The following ARID1B variants were observed in gnomAD, a reference collection of about 807,000 sequenced individuals.
The protein encoded by ARID1B is AT-rich interactive domain-containing protein 1B.
Under a neutral mutation model 212.3 loss-of-function variants are expected in ARID1B, and 30 were observed. The ratio of observed to expected loss-of-function variants is 0.14; its 90% CI spans 0.11 to 0.19. The LOEUF is 0.19. Among genes scored for constraint, ARID1B ranks in the 10% least tolerant of loss-of-function variants. The probability of loss-of-function intolerance (pLI) is 1.00; values close to 1 mark genes in which losing one functional copy is unlikely to be tolerated. For missense variants in ARID1B, 2,891 were observed against 3,204.0 expected (o/e 0.90, Z 2.36); for synonymous variants, 1,402 against 1,301.7 (o/e 1.08, Z -1.66).
chr6:157,167,520 A>G, intron 9 of ARID1B: 1 of 185,906 alleles, frequency 5.4e-6, no homozygotes, highest in Admixed American at 6.0e-5. Context: ...TCCATTTGGT[A>G]GTGGTGGAGA....
intron 4 of ARID1B, among the ~76,000 whole-genome samples, chr6:157,019,343 G>A (rs1780089439): frequency 6.6e-6 from 1 of 152,188 alleles, no homozygotes; most frequent in South Asian, 2.1e-4. Context: ...GTCAGATGAT[G>A]TTTATAGCCA....
At chr6:157,100,828 T>TA (rs1786003541) in intron 5 of ARID1B, among the ~76,000 whole-genome samples, 1 of 152,196 alleles carries the variant, frequency 6.6e-6, no homozygotes, top group South Asian at 2.1e-4. Flanking sequence ...AAAATTATAT[T>TA]GTCATTTATC....
chr6:156,972,128 G>T (rs1296370058), intron 4 of ARID1B, among the ~76,000 whole-genome samples: 1 of 152,152 alleles, frequency 6.6e-6, no homozygotes, highest in East Asian at 1.9e-4. Flanking sequence ...GGTTAAAATA[G>T]TTCTTTTTAT....
intron 2 of ARID1B, among the ~76,000 whole-genome samples, chr6:156,876,713 TG>T (rs911940252): frequency 1.3e-5 from 2 of 152,208 alleles, no homozygotes; most frequent in African/African-American, 2.4e-5. Context: ...TTACCCAAGT[TG>T]AGGCTGTTGC....
At chr6:156,990,152 T>A (rs940945663) in intron 4 of ARID1B, among the ~76,000 whole-genome samples, 5 of 151,030 alleles carry the variant, frequency 3.3e-5, no homozygotes, top group African/African-American at 1.2e-4. Context: ...AATGGACTGG[T>A]TACAGAACAG....
At chr6:156,915,026 C>T (rs115241853) in intron 3 of ARID1B, among the ~76,000 whole-genome samples, 5,061 of 152,238 alleles carry the variant, frequency 0.033, 290 homozygotes, top group African/African-American at 0.11. Flanking sequence ...ACTTAGTAAA[C>T]ATGGTGAAAA....
chr6:156,821,423 G>A (rs543653215), intron 1 of ARID1B, among the ~76,000 whole-genome samples: 3 of 152,346 alleles, frequency 2.0e-5, no homozygotes, highest in Admixed American at 2.0e-4. Context: ...ATAGCTTACA[G>A]CGATCTTCAA....
At chr6:157,055,698 A>G (rs1562582279) in intron 4 of ARID1B, among the ~76,000 whole-genome samples, 3 of 152,088 alleles carry the variant, frequency 2.0e-5, no homozygotes, top group Admixed American at 1.3e-4. Flanking sequence ...GTATCTCACA[A>G]TTTCTGTAGC....
intron 4 of ARID1B, among the ~76,000 whole-genome samples, chr6:157,028,067 G>T (rs1780774994): frequency 6.6e-6 from 1 of 152,190 alleles, no homozygotes; most frequent in Non-Finnish European, 1.5e-5. Flanking sequence ...GTGTGTATGT[G>T]TGTGTGTGTG....
chr6:157,189,934 G>C, intron 14 of ARID1B, 104 bp from the exon 15 acceptor site: 2 of 1,575,734 alleles, frequency 1.3e-6, no homozygotes, highest in Non-Finnish European at 1.7e-6. Flanking sequence ...TATCTTGAAT[G>C]GTTTTTGCAT....
chr6:157,020,427 A>G (rs986029295), intron 4 of ARID1B, among the ~76,000 whole-genome samples: 44 of 152,180 alleles, frequency 2.9e-4, no homozygotes, highest in African/African-American at 1.0e-3. Context: ...CATAACTGTA[A>G]ATTGGAACCT....
intron 1 of ARID1B, among the ~76,000 whole-genome samples, chr6:156,804,910 CT>C: frequency 7.2e-6 from 1 of 138,734 alleles, no homozygotes; most frequent in South Asian, 2.4e-4. Context: ...CTTTTTGTGT[CT>C]TAATGTTCCT....
intron 3 of ARID1B, among the ~76,000 whole-genome samples, chr6:156,906,482 T>C (rs1008840470): frequency 1.5e-5 from 2 of 132,770 alleles, no homozygotes; most frequent in Admixed American, 1.8e-4. Flanking sequence ...GAGGCAGAGG[T>C]TGTGAGGAAC....
intron 1 of ARID1B, among the ~76,000 whole-genome samples, chr6:156,825,768 C>T (rs954216521): frequency 6.6e-6 from 1 of 152,244 alleles, no homozygotes; most frequent in South Asian, 2.1e-4. Context: ...ATTTGATTTA[C>T]TCAGCCTCTC....
rs146113746 is a variant in ARID1B, at chr6:156,883,562, T to C, written c.1987-17814T>C. Among the ~76,000 whole-genome samples the C allele has an allele frequency of 1.2e-3, 190 of 152,280 alleles. 2 individuals are homozygous for C. Among genetic ancestry groups the C allele is most frequent in the African/African-American group, 4.3e-3 (180 of 41,536 alleles). ...CTGCCTCTGAACGCCATGTCTTCCA[T>C]GCTTTCCTCTCCAGCGTGAGCCTGA... On this transcript the variant is annotated intron_variant, in intron 2 of 19. Coordinates refer to ENST00000636930, the MANE Select transcript of ARID1B (RefSeq NM_001374828.1).
At chr6:156,812,622 A>G (rs760662589) in intron 1 of ARID1B, among the ~76,000 whole-genome samples, 15 of 152,184 alleles carry the variant, frequency 9.9e-5, no homozygotes, top group Non-Finnish European at 1.6e-4. Context: ...GAATGAACAA[A>G]TAAATGAATG....
At chr6:156,979,643 C>T (rs190058797) in intron 4 of ARID1B, among the ~76,000 whole-genome samples, 11 of 152,006 alleles carry the variant, frequency 7.2e-5, no homozygotes, top group East Asian at 1.9e-4. Context: ...TTGCAACCTC[C>T]GCCTCCCAGG....
At chr6:157,202,546 A>G (rs763839956) in intron 18 of ARID1B, among the ~76,000 whole-genome samples, 12 of 151,932 alleles carry the variant, frequency 7.9e-5, no homozygotes, top group Non-Finnish European at 1.8e-4. Flanking sequence ...AAATTAGCCA[A>G]AAGTGAGATT....
intron 4 of ARID1B, among the ~76,000 whole-genome samples, chr6:156,975,172 T>C (rs533410592): frequency 4.9e-4 from 74 of 152,374 alleles, no homozygotes; most frequent in African/African-American, 1.7e-3. Flanking sequence ...CCAGCACTTA[T>C]CTTTTGTCTT....
Sources: gnomAD v4.1 joint callset for allele counts (sites outside exome capture counted in the v4.1 genomes callset) on GRCh38, gnomAD v4.1.1 for gene constraint, MANE v1.5 for transcripts, NCBI Gene and HGNC (gene_info 2026-07-23, HGNC 2026-07-21) for gene names.